Variants in METTL26 observed in about 807,000 individuals in gnomAD.
The protein encoded by METTL26 is methyltransferase like 26, also known as methyltransferase-like 26.
Under a neutral mutation model 24.7 loss-of-function variants are expected in METTL26, and 28 were observed. That is an observed-to-expected ratio of 1.13 (90% CI 0.84 to 1.55). METTL26 has a LOEUF of 1.55. Ranked by LOEUF, METTL26 falls within the 40% of genes most tolerant of loss-of-function variation. METTL26 has a pLI of 0.00. For synonymous variants in METTL26, 165 were observed against 125.2 expected (o/e 1.32, Z -2.12); for missense variants, 344 against 281.2 (o/e 1.22, Z -1.60).
In METTL26 at chr16:634,794, G is replaced by C. The variant is rs148428677; in HGVS notation, c.492C>G (p.Asn164Lys). The C allele has an allele frequency of 1.2e-5, 20 of 1,609,584 alleles. No individual in the cohort carries two copies. The African/African-American group carries it at 2.5e-4, about 20-fold the overall frequency. The change falls in exon 5 of 6, where the codon AAC (asparagine) becomes AAG (lysine). Residue 164 changes from asparagine (N) to lysine (K), a missense_variant. Coordinates refer to ENST00000301686, the MANE Select transcript of METTL26 (RefSeq NM_032366.5). ...CTGTGTCCCGAAGCCCCCATTCTGG[G>C]TTCCTGCAGAGGGTGGGGAGATGGA... The part of the protein sequence containing the change: ...VDFDLMLRCR[N>K]PEWGLRDTAL...
In METTL26 at chr16:634,617, G is replaced by A. The variant is rs915416181; in HGVS notation, c.595C>T (p.Leu199=). Residue 199 remains leucine (L), a synonymous_variant, in exon 6 of 6, where the codon CTG becomes TTG. Transcript: ENST00000301686. ...MVDMPANNKC[L]IFRKN ...GGGGCTTAGTTTTTCCGGAAGATCAGGCATTTGTTGTTGGCTGGCATGTCC... is the reference window on the plus strand; with the variant it reads ...GGGGCTTAGTTTTTCCGGAAGATCAAGCATTTGTTGTTGGCTGGCATGTCC... The A allele has an allele frequency of 6.8e-6, 11 of 1,613,262 alleles. No individual in the cohort carries two copies. In the African/African-American group the frequency reaches 1.3e-4, roughly 20 times the overall value.
At chr16:635,419 G>T (rs879134539) in intron 2 of METTL26, 79 bp from the exon 3 acceptor site, 3 of 1,249,680 alleles carry the variant, frequency 2.4e-6, no homozygotes, top group South Asian at 1.3e-5. Context: ...CCCTCACCCC[G>T]ACTGTGATGG....
intron 2 of METTL26, 53 bp from the exon 3 acceptor site, chr16:635,393 G>A: frequency 7.1e-7 from 1 of 1,404,498 alleles, no homozygotes. Context: ...CAGAAGCCAG[G>A]CCCTGAGGCT....
intron 3 of METTL26, 85 bp from the exon 4 acceptor site, chr16:635,041 G>C: frequency 2.0e-6 from 3 of 1,533,612 alleles, no homozygotes; most frequent in Non-Finnish European, 1.7e-6. Context: ...CTGGGGTTTG[G>C]AGAATGAAAG....
Position 636,299 on chromosome 16 carries a change from C to G in METTL26, c.-9G>C. ...GCCGCCGCCACCAGCATCGCGGCAG[C>G]AACAACTCCCCGCCGCGGACGCGGC... On this transcript the variant is annotated 5_prime_UTR_variant, in exon 1 of 6. Transcript: ENST00000301686. The G allele has an allele frequency of 7.0e-7, 1 of 1,420,734 alleles. No homozygotes were observed. Among genetic ancestry groups the G allele is most frequent in the Non-Finnish European group, 9.1e-7 (1 of 1,096,334 alleles). The allele number at this position is 1,420,734 out of a possible 1,614,324, so 88.0% of individuals were successfully genotyped here. A position where few individuals can be genotyped will look rare whatever the true frequency, so the allele number is the denominator to read the frequency against.
chr16:635,471 T>C (rs2037097376), intron 2 of METTL26, 131 bp from the exon 3 acceptor site: 1 of 615,590 alleles, frequency 1.6e-6, no homozygotes, highest in Non-Finnish European at 3.0e-6. Flanking sequence ...TGGGGGAGGC[T>C]GGAGACCCTC....
intron 3 of METTL26, 56 bp from the exon 4 acceptor site, chr16:635,012 C>T (rs1186132028): frequency 9.0e-6 from 14 of 1,550,372 alleles, no homozygotes; most frequent in Non-Finnish European, 1.2e-5. Context: ...TCCCAGAGAG[C>T]CTGGGACAGA....
chr16:635,785 C>G lies in METTL26; in HGVS notation c.198-11G>C. The stretch of plus-strand genomic sequence containing the variant: ...GTGGTGGCCGCGATGCTGCAGGAGG[C>G]GAACGCTTGGGTGGGGGCCGAGTCC... On this transcript the variant is annotated splice_polypyrimidine_tract_variant and intron_variant, in intron 1 of 5. Transcript: ENST00000301686. 1 of 1,555,130 alleles carries G rather than the reference C, an allele frequency of 6.4e-7. No individual in the cohort carries two copies. Among genetic ancestry groups the G allele is most frequent in the African/African-American group, 1.3e-5 (1 of 74,286 alleles).
chr16:634,829 T>TG (rs764164257), intron 4 of METTL26, 32 bp from the exon 5 acceptor site: 4 of 1,591,128 alleles, frequency 2.5e-6, no homozygotes, highest in Middle Eastern at 1.7e-4. Flanking sequence ...AGTCATGGCC[T>TG]GGGGGGTGCC....
Position 636,249 on chromosome 16 carries a change from G to C in METTL26, c.42C>G (p.Ile14Met). 1.6e-5 allele frequency: 24 copies of C among 1,487,406 alleles called. No individual in the cohort carries two copies. Among genetic ancestry groups the C allele is most frequent in the Non-Finnish European group, 2.0e-5 (23 of 1,125,248 alleles). 92.1% of individuals were successfully genotyped at this position (1,487,406 alleles called of 1,614,324 possible). ...AAAAERNKDPILHVLRQYLDP... is the reference protein window; with the variant it reads ...AAAAERNKDPMLHVLRQYLDP... Reference sequence around the variant, plus strand: ...CCAGGTACTGCCGCAGCACGTGCAAGATGGGATCCTTGTTCCGCTCCGCGG... The same window carrying C: ...CCAGGTACTGCCGCAGCACGTGCAACATGGGATCCTTGTTCCGCTCCGCGG... Residue 14 changes from isoleucine to methionine, a missense_variant, in exon 1 of 6, where the codon ATC becomes ATG. By Grantham distance (10) the Ile-to-Met change is conservative. Transcript: ENST00000301686.
At position 636,218 on chromosome 16, in the gene METTL26, C is replaced by T; in HGVS notation, c.73G>A (p.Ala25Thr). Residue 25 changes from alanine (A) to threonine (T), a missense_variant, in exon 1 of 6, where the codon GCC (alanine) becomes ACC (threonine). By Grantham distance (58) the Ala-to-Thr change is moderately conservative. Coordinates refer to ENST00000301686, the MANE Select transcript of METTL26 (RefSeq NM_032366.5). ...LHVLRQYLDPAQRGVRVLEVA... is the reference protein window; with the variant it reads ...LHVLRQYLDPTQRGVRVLEVA... The stretch of plus-strand genomic sequence containing the variant: ...TCGAGGACGCGGACGCCACGCTGGG[C>T]CGGATCCAGGTACTGCCGCAGCACG... The T allele has an allele frequency of 1.3e-6, 2 of 1,490,680 alleles. No homozygotes were observed. The highest frequency in any genetic ancestry group is 8.9e-7 in the Non-Finnish European group (1 of 1,126,574). The allele number at this position is 1,490,680 out of a possible 1,614,324, so 92.3% of individuals were successfully genotyped here.
chr16:635,074 G>T, intron 3 of METTL26, 118 bp from the exon 4 acceptor site: 1 of 1,523,122 alleles, frequency 6.6e-7, no homozygotes. Context: ...CTGTCCCCAA[G>T]AGGGAGTCAG....
chr16:634,709 C>G lies in METTL26; in HGVS notation c.567+10G>C, dbSNP rs1294294543. 2 of 1,612,780 alleles carry G rather than the reference C, an allele frequency of 1.2e-6. No homozygotes were observed. Among genetic ancestry groups the G allele is most frequent in the Non-Finnish European group, 1.7e-6 (2 of 1,179,982 alleles). The stretch of plus-strand genomic sequence containing the variant: ...AGAGAGGTTGCCTGGGCCCCCGCTC[C>G]CCCACCTACCATCCTCTCCAGGAGC... On this transcript the variant is annotated intron_variant, in intron 5 of 5. Transcript: ENST00000301686.
intron 2 of METTL26, 49 bp downstream of exon 2, chr16:635,563 C>G: frequency 6.5e-7 from 1 of 1,544,226 alleles, no homozygotes; most frequent in Non-Finnish European, 8.7e-7. Context: ...TGCCCCCATG[C>G]AGGGTGAGTG....
rs375485087 is a variant in METTL26 at position 634,915 on chromosome 16, C to T, written c.462G>A (p.Val154=). Residue 154 remains valine (V), a synonymous_variant, in exon 4 of 6, where the codon GTG becomes GTA. Coordinates refer to ENST00000301686, the MANE Select transcript of METTL26 (RefSeq NM_032366.5). ...TGCATCTGAGCATCAGGTCAAAGTCCACGTTGCTCTGGGGGGAGATCTTCC... is the reference window on the plus strand; with the variant it reads ...TGCATCTGAGCATCAGGTCAAAGTCTACGTTGCTCTGGGGGGAGATCTTCC... ...INGKISPQSN[V]DFDLMLRCRN... 25 of 1,605,916 alleles carry T rather than the reference C, an allele frequency of 1.6e-5. No homozygotes were observed. Among genetic ancestry groups the T allele is most frequent in the Non-Finnish European group, 2.0e-5 (24 of 1,176,694 alleles).
At chr16:634,823 A>G in intron 4 of METTL26, 26 bp from the exon 5 acceptor site, 1 of 1,597,774 alleles carries the variant, frequency 6.3e-7, no homozygotes, top group Non-Finnish European at 8.5e-7. Context: ...AGATGGAGTC[A>G]TGGCCTGGGG....
rs200398078 is a variant in METTL26, at chr16:634,510, G to C, written c.*87C>G. On this transcript the variant is annotated 3_prime_UTR_variant, in exon 6 of 6. Coordinates refer to ENST00000301686, the MANE Select transcript of METTL26 (RefSeq NM_032366.5). Reference sequence around the variant, plus strand: ...AGAGCACAGACTGGGTGGGGCTGTCGTCCACAAGGTCCGGCCTAGGGAGGC... The same window carrying C: ...AGAGCACAGACTGGGTGGGGCTGTCCTCCACAAGGTCCGGCCTAGGGAGGC... 6.2e-7 allele frequency: 1 copy of C among 1,610,140 alleles called. No homozygotes were observed. The highest frequency in any genetic ancestry group is 8.5e-7 in the Non-Finnish European group (1 of 1,177,672).
intron 1 of METTL26, 56 bp from the exon 2 acceptor site, chr16:635,830 C>G: frequency 6.7e-7 from 1 of 1,484,178 alleles, no homozygotes; most frequent in Non-Finnish European, 9.0e-7. Flanking sequence ...GCCTTTCCGA[C>G]GCCCCCACAG....
chr16:635,332 G>T lies in METTL26; in HGVS notation c.369C>A (p.Phe123Leu). The T allele has an allele frequency of 6.3e-7, 1 of 1,599,570 alleles. No individual in the cohort carries two copies. Among genetic ancestry groups the T allele is most frequent in the Non-Finnish European group, 8.5e-7 (1 of 1,173,170 alleles). Residue 123 changes from phenylalanine to leucine, a missense_variant, in exon 3 of 6, where the codon TTC becomes TTA. Physicochemically the swap from Phe to Leu is conservative, Grantham distance 22. Coordinates refer to ENST00000301686, the MANE Select transcript of METTL26 (RefSeq NM_032366.5). ...VSPLRCTEGL[F>L]RAAGHLLKPR... The stretch of plus-strand genomic sequence containing the variant: ...GTTTGAGCAGGTGTCCTGCTGCTCT[G>T]AAGAGCCCCTGGTGAGTAGGAACAG...
Sources: allele counts gnomAD v4.1 joint callset, GRCh38; gene constraint gnomAD v4.1.1; transcripts MANE v1.5; gene names NCBI Gene and HGNC (gene_info 2026-07-23, HGNC 2026-07-21).